CCAR2: variants seen among roughly 807,000 people sequenced by gnomAD.
CCAR2 encodes cell cycle and apoptosis regulator protein 2.
In CCAR2, 21 loss-of-function variants were observed where a neutral mutation model predicts 108.1. The observed-to-expected ratio is 0.19, with a 90% CI of 0.14 to 0.28. The LOEUF (loss-of-function observed/expected upper bound fraction) is 0.28. Ranked by LOEUF, CCAR2 falls within the 10% of genes least tolerant of loss-of-function variation. The probability of loss-of-function intolerance (pLI) is 1.00; values close to 1 mark genes in which losing one functional copy is unlikely to be tolerated. For missense variants in CCAR2, 1,126 were observed against 1,177.0 expected (o/e 0.96, Z 0.63); for synonymous variants, 577 against 472.8 (o/e 1.22, Z -2.86).
At chr8:22,607,849 C>A in intron 6 of CCAR2, 120 bp from the exon 7 acceptor site, 1 of 737,576 alleles carries the variant, frequency 1.4e-6, no homozygotes, top group Non-Finnish European at 2.3e-6. Context: ...TAGTCTTGAA[C>A]TCCTGACCTC....
intron 7 of CCAR2, among the ~76,000 whole-genome samples, chr8:22,611,794 C>A (rs1801292895): frequency 6.6e-6 from 1 of 152,100 alleles, no homozygotes; most frequent in Non-Finnish European, 1.5e-5. Flanking sequence ...TCAGTTTATG[C>A]TGCTTCATAT....
intron 11 of CCAR2, 102 bp downstream of exon 11, chr8:22,615,103 C>G: frequency 7.3e-7 from 1 of 1,373,888 alleles, no homozygotes; most frequent in Non-Finnish European, 9.6e-7. Flanking sequence ...TAGCTCTCTG[C>G]CCCCTAGTCC....
chr8:22,617,161 A>G (rs1174871294), intron 14 of CCAR2, among the ~76,000 whole-genome samples: 2 of 151,882 alleles, frequency 1.3e-5, no homozygotes, highest in African/African-American at 2.4e-5. Flanking sequence ...CTGCTTGTTT[A>G]AATACTATCA....
chr8:22,614,703 C>A, intron 10 of CCAR2, 135 bp from the exon 11 acceptor site: 2 of 1,006,068 alleles, frequency 2.0e-6, no homozygotes, highest in Non-Finnish European at 1.5e-6. Flanking sequence ...TTCATGTTTG[C>A]AGATAGAGAC....
Position 22,604,832 on chromosome 8 carries a change from C to T in CCAR2, c.-49C>T, listed in dbSNP as rs1396653060. On this transcript the variant is annotated 5_prime_UTR_variant, in exon 1 of 21. Transcript: ENST00000308511. ...TCTTTGTCCCCCCGGTGTCGCTGCC[C>T]TGGCCCGCAGGTGGGTTGGGGGGCC... The T allele has an allele frequency of 2.2e-6, 1 of 454,580 alleles. No individual in the cohort carries two copies. The highest frequency in any genetic ancestry group is 2.4e-5 in the Admixed American group (1 of 42,552). 28.2% of individuals were successfully genotyped at this position (454,580 alleles called of 1,614,324 possible).
intron 20 of CCAR2, 118 bp downstream of exon 20, chr8:22,619,473 C>G: frequency 1.4e-6 from 2 of 1,415,724 alleles, no homozygotes; most frequent in Non-Finnish European, 1.9e-6. Context: ...CCGGCTTCGT[C>G]TTTCCATCGC....
At chr8:22,610,971 T>C (rs1801249857) in intron 7 of CCAR2, among the ~76,000 whole-genome samples, 2 of 152,214 alleles carry the variant, frequency 1.3e-5, no homozygotes, top group East Asian at 1.9e-4. Context: ...AACGTAGTTA[T>C]AGTGTAATAC....
chr8:22,613,074 T>TCA lies in CCAR2; in HGVS notation c.642_643insCA (p.Lys215GlnfsTer28). The stretch of plus-strand genomic sequence containing the variant: ...GGGCTGGTGGAGAGCCCTGGGGTGC[T>TCA]AAGAAGCCAAGGCATGACCTGCCTC... On this transcript the variant is annotated frameshift_variant, in exon 8 of 21. Transcript: ENST00000308511. LOFTEE classifies it high-confidence loss of function. 1 of 1,613,164 alleles carries TCA rather than the reference T, an allele frequency of 6.2e-7. No individual in the cohort carries two copies.
At chr8:22,614,687 G>C in intron 10 of CCAR2, 151 bp from the exon 11 acceptor site, 1 of 1,098,048 alleles carries the variant, frequency 9.1e-7, no homozygotes, top group South Asian at 1.3e-5. Context: ...AGAGCGAGGT[G>C]GCTGGTTCAT....
intron 7 of CCAR2, among the ~76,000 whole-genome samples, chr8:22,611,418 A>G (rs552414772): frequency 2.8e-4 from 29 of 103,260 alleles, no homozygotes; most frequent in African/African-American, 1.0e-3. Context: ...GTGTGTGTAT[A>G]TATGTGTGTA....
At chr8:22,621,365 G>A (rs754276468), downstream of CCAR2, 140 of 1,567,060 alleles carry the variant, frequency 8.9e-5, no homozygotes, top group Middle Eastern at 3.4e-4. Context: ...GCCCTGAGAA[G>A]GGCAAGGATG....
At chr8:22,615,952 T>C (rs7843128) in intron 13 of CCAR2, 40 bp downstream of exon 13, 587,329 of 1,612,212 alleles carry the variant, frequency 0.36, 108,766 homozygotes, top group African/African-American at 0.5. Context: ...GGGCTGGGAT[T>C]TGTGGGCCTG....
Position 22,620,411 on chromosome 8 carries a change from G to A in CCAR2, c.*729G>A, listed in dbSNP as rs1801733826. 7.1e-6 allele frequency: 1 copy of A among 139,918 alleles called. No individual in the cohort carries two copies. The highest frequency in any genetic ancestry group is 1.5e-5 in the Non-Finnish European group (1 of 66,300). 8.7% of individuals were successfully genotyped at this position (139,918 alleles called of 1,614,324 possible). ...GTTTCAGTTTGACTTTGTATATAAA[G>A]TTGGGGTTTTTTTTTTTTTTTTTTG... On this transcript the variant is annotated 3_prime_UTR_variant, in exon 21 of 21. Coordinates refer to ENST00000308511, the MANE Select transcript of CCAR2 (RefSeq NM_001393997.1).
chr8:22,617,570 T>G lies in CCAR2; in HGVS notation c.1990+6T>G. 1 of 1,602,612 alleles carries G rather than the reference T, an allele frequency of 6.2e-7. No homozygotes were observed. On this transcript the variant is annotated splice_donor_region_variant and intron_variant, in intron 15 of 20. Transcript: ENST00000308511. ...TGATGGAGAGGAGGAGTTTGGTATGTTGAGTGGTGAGAGGGGAGCTTGCAG... is the reference window on the plus strand; with the variant it reads ...TGATGGAGAGGAGGAGTTTGGTATGGTGAGTGGTGAGAGGGGAGCTTGCAG...
At chr8:22,614,025 T>A (rs1211140165) in intron 8 of CCAR2, 67 bp from the exon 9 acceptor site, 1 of 1,464,056 alleles carries the variant, frequency 6.8e-7, no homozygotes, top group Non-Finnish European at 9.3e-7. Context: ...TTTTCAAATC[T>A]TTGATGGTTT....
chr8:22,608,199 C>A, intron 7 of CCAR2, 134 bp downstream of exon 7: 1 of 639,356 alleles, frequency 1.6e-6, no homozygotes, highest in South Asian at 2.0e-5. Flanking sequence ...TTACCACTAA[C>A]ATTCTTTGCC....
chr8:22,611,388 A>ATGTG lies in CCAR2; in HGVS notation c.585-1615_585-1612dup, dbSNP rs145362940. Among the ~76,000 whole-genome samples, 155 of 128,492 alleles carry ATGTG rather than the reference A, an allele frequency of 1.2e-3. 2 individuals are homozygous for ATGTG. Among genetic ancestry groups the ATGTG allele is most frequent in the South Asian group, 1.7e-3 (7 of 4,094 alleles). The allele number at this position is 128,492 out of a possible 152,430, so 84.3% of individuals were successfully genotyped here. A position where few individuals can be genotyped will look rare whatever the true frequency, so the allele number is the denominator to read the frequency against. ...AAAAAAAAAAAAAAAAAGTATATAT[A>ATGTG]TGTGTGTGTGTGTGTGTATGTGTGT... is the stretch of plus-strand genomic sequence containing the variant. On this transcript the variant is annotated intron_variant, in intron 7 of 20. Coordinates refer to ENST00000308511, the MANE Select transcript of CCAR2 (RefSeq NM_001393997.1).
At position 22,607,358 on chromosome 8, in the gene CCAR2, C is replaced by T. The variant is rs763534880; in HGVS notation, c.487+33C>T. 9 of 1,603,018 alleles carry T rather than the reference C, an allele frequency of 5.6e-6. 1 individual carries two copies. Among genetic ancestry groups the T allele is most frequent in the Non-Finnish European group, 5.1e-6 (6 of 1,179,028 alleles). Reference sequence around the variant, plus strand: ...CGAGTGGCACTGTTGTTGGGTGTGGCATTATGGGGTAGTTTAGATCAATGG... The same window carrying T: ...CGAGTGGCACTGTTGTTGGGTGTGGTATTATGGGGTAGTTTAGATCAATGG... On this transcript the variant is annotated intron_variant, in intron 6 of 20. Coordinates refer to ENST00000308511, the MANE Select transcript of CCAR2 (RefSeq NM_001393997.1).
intron 14 of CCAR2, 64 bp downstream of exon 14, chr8:22,616,312 C>G (rs183278880): frequency 1.3e-6 from 2 of 1,499,994 alleles, no homozygotes; most frequent in East Asian, 2.3e-5. Flanking sequence ...TTACCCCGGG[C>G]TCTGTTCCGA....
Sources: allele counts gnomAD v4.1 joint callset (sites outside exome capture counted in the v4.1 genomes callset), GRCh38; gene constraint gnomAD v4.1.1; transcripts MANE v1.5; gene names NCBI Gene and HGNC (gene_info 2026-07-23, HGNC 2026-07-21).